Variants in CHTF8 observed in about 807,000 individuals in gnomAD.
CHTF8 encodes the protein chromosome transmission fidelity protein 8 homolog.
In CHTF8, 6 loss-of-function variants were observed where a neutral mutation model predicts 11.0. The observed-to-expected ratio is 0.55, with a 90% CI of 0.30 to 1.08. The LOEUF is 1.08. Ranked by LOEUF, CHTF8 falls within the 50% of genes least tolerant of loss-of-function variation. The pLI, the probability that CHTF8 is intolerant of heterozygous loss-of-function variation, is 0.07. For synonymous variants in CHTF8, 53 were observed against 60.5 expected, an observed-to-expected ratio of 0.88 and a Z score of 0.57; for missense variants, 140 against 153.1, an observed-to-expected ratio of 0.91 and a Z score of 0.45.
intron 1 of CHTF8, chr16:69,132,194 C>T (rs755672603): frequency 2.8e-4 from 42 of 152,426 alleles, no homozygotes; most frequent in Non-Finnish European, 5.5e-4. Context: ...TCCTTCCCTC[C>T]GCCTTCCGTC....
intron 1 of CHTF8, 139 bp downstream of exon 1, chr16:69,132,345 G>C (rs1360820178): frequency 1.4e-5 from 2 of 144,032 alleles, no homozygotes; most frequent in African/African-American, 5.2e-5. Flanking sequence ...CCGCCCCTCG[G>C]CTCGCCATTC....
chr16:69,123,934 A>AAC (rs1280718759), intron 1 of CHTF8, among the ~76,000 whole-genome samples: 6 of 137,100 alleles, frequency 4.4e-5, no homozygotes, highest in African/African-American at 1.5e-4. Flanking sequence ...CTAAAAAAAA[A>AAC]AAAAAAAAAA....
At chr16:69,122,365 CT>C (rs869246617) in intron 1 of CHTF8, among the ~76,000 whole-genome samples, 8,916 of 140,294 alleles carry the variant, frequency 0.064, 240 homozygotes, top group South Asian at 0.1. Context: ...TAAGGATATT[CT>C]TTTTTTTTTT....
chr16:69,130,558 A>G (rs947917391), intron 1 of CHTF8, among the ~76,000 whole-genome samples: 3 of 151,950 alleles, frequency 2.0e-5, no homozygotes, highest in South Asian at 2.1e-4. Flanking sequence ...CACCTATCCC[A>G]TATGTGACAG....
intron 1 of CHTF8, among the ~76,000 whole-genome samples, chr16:69,130,385 A>T (rs994880684): frequency 6.6e-6 from 1 of 152,236 alleles, no homozygotes; most frequent in Non-Finnish European, 1.5e-5. Flanking sequence ...ACTGGGGTGA[A>T]ATCAATTATT....
chr16:69,119,684 G>T lies in CHTF8; in HGVS notation c.*741C>A. On this transcript the variant is annotated 3_prime_UTR_variant, in exon 4 of 4. Coordinates refer to ENST00000448552, the MANE Select transcript of CHTF8 (RefSeq NM_001039690.5). ...AAGAGGCCACCTGCTCTGGCATCTA[G>T]ATTAGGGCCTGGGCCCAGGCCACTT... 3.0e-6 allele frequency: 2 copies of T among 676,184 alleles called. No homozygotes were observed. Among genetic ancestry groups the T allele is most frequent in the Non-Finnish European group, 5.4e-6 (2 of 370,768 alleles). The allele number at this position is 676,184 out of a possible 1,614,324, so 41.9% of individuals were successfully genotyped here. A position where few individuals can be genotyped will look rare whatever the true frequency, so the allele number is the denominator to read the frequency against.
At chr16:69,124,227 T>G (rs1961898071) in intron 1 of CHTF8, among the ~76,000 whole-genome samples, 1 of 152,200 alleles carries the variant, frequency 6.6e-6, no homozygotes, top group Admixed American at 6.5e-5. Flanking sequence ...TTGGCTTCAC[T>G]TTCTGTGATG....
rs572771739 is a variant in CHTF8, at chr16:69,118,210, G to C, written c.*2215C>G. The C allele has an allele frequency of 1.6e-6, 1 of 625,662 alleles. No individual in the cohort carries two copies. The highest frequency in any genetic ancestry group is 1.8e-5 in the African/African-American group (1 of 54,094). 38.8% of individuals were successfully genotyped at this position (625,662 alleles called of 1,614,324 possible). A position where few individuals can be genotyped will look rare whatever the true frequency, so the allele number is the denominator to read the frequency against. On this transcript the variant is annotated 3_prime_UTR_variant, in exon 4 of 4. Transcript: ENST00000448552. The stretch of plus-strand genomic sequence containing the variant: ...ATTGATTGGGAGTACCAGTGAAGAG[G>C]GAGTTGGATGAGTAGAGGGGCCTTA...
chr16:69,122,366 T>C, intron 1 of CHTF8, among the ~76,000 whole-genome samples: 1 of 120,978 alleles, frequency 8.3e-6, no homozygotes, highest in South Asian at 2.8e-4. Flanking sequence ...AAGGATATTC[T>C]TTTTTTTTTT....
At position 69,118,488 on chromosome 16, in the gene CHTF8, GACT is replaced by G. The variant is rs1961341077; in HGVS notation, c.*1934_*1936del. On this transcript the variant is annotated 3_prime_UTR_variant, in exon 4 of 4. Transcript: ENST00000448552. Reference sequence around the variant, plus strand: ...GCTGATTCTCCAATGGTGAGCAGGGGACTACATGTGAACTGGGACCTGCAGGCC... The same window carrying G: ...GCTGATTCTCCAATGGTGAGCAGGGGACATGTGAACTGGGACCTGCAGGCC... 1 of 1,352,990 alleles carries G rather than the reference GACT, an allele frequency of 7.4e-7. No individual in the cohort carries two copies. 83.8% of individuals were successfully genotyped at this position (1,352,990 alleles called of 1,614,324 possible).
chr16:69,127,545 G>A (rs922393442), intron 1 of CHTF8, among the ~76,000 whole-genome samples: 3 of 150,866 alleles, frequency 2.0e-5, no homozygotes, highest in Non-Finnish European at 4.4e-5. Context: ...TGATGAATAC[G>A]CTATACATGA....
At chr16:69,126,185 C>T (rs564094871) in intron 1 of CHTF8, among the ~76,000 whole-genome samples, 7 of 152,242 alleles carry the variant, frequency 4.6e-5, no homozygotes, top group South Asian at 2.1e-4. Context: ...CATAGGTACA[C>T]GGTATATTCT....
intron 1 of CHTF8, among the ~76,000 whole-genome samples, chr16:69,127,169 C>T (rs1243573513): frequency 1.3e-5 from 2 of 150,852 alleles, no homozygotes; most frequent in East Asian, 2.0e-4. Flanking sequence ...ACCTGGGAGG[C>T]GGAGGCTGCA....
chr16:69,125,541 C>A (rs756564855), intron 1 of CHTF8, among the ~76,000 whole-genome samples: 28 of 152,140 alleles, frequency 1.8e-4, no homozygotes, highest in Admixed American at 1.5e-3. Flanking sequence ...ATCAGGCAGG[C>A]ATGGAGTATA....
chr16:69,121,480 C>T lies in CHTF8; in HGVS notation c.-22G>A. ...CCATGAGCTTTCTGTCTTTAAAAAG[C>T]AAGTGAAAACAAGCTGTAGAGAGAA... On this transcript the variant is annotated 5_prime_UTR_variant, in exon 2 of 4. Coordinates refer to ENST00000448552, the MANE Select transcript of CHTF8 (RefSeq NM_001039690.5). 1 of 1,593,632 alleles carries T rather than the reference C, an allele frequency of 6.3e-7. No homozygotes were observed. Among genetic ancestry groups the T allele is most frequent in the Non-Finnish European group, 8.5e-7 (1 of 1,170,876 alleles).
chr16:69,130,294 A>T (rs1450094174), intron 1 of CHTF8, among the ~76,000 whole-genome samples: 1 of 151,542 alleles, frequency 6.6e-6, no homozygotes, highest in Non-Finnish European at 1.5e-5. Context: ...ATAAAGCTAA[A>T]CAACGTTTTA....
chr16:69,120,970 T>C lies in CHTF8; in HGVS notation c.141+83A>G. The C allele has an allele frequency of 1.7e-6, 2 of 1,157,028 alleles. No individual in the cohort carries two copies. The highest frequency in any genetic ancestry group is 2.6e-6 in the Non-Finnish European group (2 of 762,580). The allele number at this position is 1,157,028 out of a possible 1,614,324, so 71.7% of individuals were successfully genotyped here. A position where few individuals can be genotyped will look rare whatever the true frequency, so the allele number is the denominator to read the frequency against. On this transcript the variant is annotated intron_variant, in intron 3 of 3. Transcript: ENST00000448552. This position sits in a 1 kb window ranked among gnomAD's most constrained non-coding sequence, Gnocchi z 4.0. ...GCCTTGAATAACAAACCTGAGGCAG[T>C]CCTCACTCTGGGTCCTGGGAGCACC...
intron 1 of CHTF8, among the ~76,000 whole-genome samples, chr16:69,124,884 T>C (rs6499220): frequency 0.051 from 7,724 of 152,076 alleles, 647 homozygotes; most frequent in African/African-American, 0.18. Context: ...CCAAACACTT[T>C]GGGAACATGA....
chr16:69,123,818 T>C (rs986858940), intron 1 of CHTF8, among the ~76,000 whole-genome samples: 1 of 150,686 alleles, frequency 6.6e-6, no homozygotes, highest in Non-Finnish European at 1.5e-5. Flanking sequence ...CCGGGAGCAG[T>C]AGCTCACGCC....
Sources: gnomAD v4.1 joint callset for allele counts (sites outside exome capture counted in the v4.1 genomes callset) on GRCh38, gnomAD v4.1.1 for gene constraint, Gnocchi (gnomAD v3.1) non-coding constraint, MANE v1.5 for transcripts, NCBI Gene and HGNC (gene_info 2026-07-23, HGNC 2026-07-21) for gene names.